DCC: variants seen among roughly 807,000 people sequenced by gnomAD.
The protein encoded by DCC is DCC netrin 1 receptor.
In DCC, 58 loss-of-function variants were observed where a neutral mutation model predicts 172.5. The observed-to-expected ratio is 0.34, with a 90% confidence interval of 0.27 to 0.42. The LOEUF (loss-of-function observed/expected upper bound fraction) is 0.42. Among genes scored for constraint, DCC ranks in the 10% least tolerant of loss-of-function variants. DCC has a pLI of 1.00. For missense variants in DCC, 1,740 were observed against 1,791.0 expected (o/e 0.97, Z 0.51); for synonymous variants, 709 against 644.5 (o/e 1.10, Z -1.52).
chr18:52,998,171 G>C (rs1213106652), intron 5 of DCC, among the ~76,000 whole-genome samples: 2 of 152,072 alleles, frequency 1.3e-5, no homozygotes, highest in African/African-American at 2.4e-5. Context: ...TATGTGGCTA[G>C]TGGCTATCAT....
chr18:53,157,629 A>G (rs534919844), intron 8 of DCC, 117 bp downstream of exon 8: 2 of 1,017,526 alleles, frequency 2.0e-6, no homozygotes, highest in Admixed American at 2.0e-5. Flanking sequence ...TGAAATCTCT[A>G]CTATGTCCTT....
At chr18:53,232,962 T>C (rs2056146161) in intron 12 of DCC, among the ~76,000 whole-genome samples, 1 of 151,948 alleles carries the variant, frequency 6.6e-6, no homozygotes, top group Non-Finnish European at 1.5e-5. Flanking sequence ...GGTATTATTA[T>C]TCTTATTTTC....
At chr18:52,735,205 C>A (rs1248878924) in intron 1 of DCC, among the ~76,000 whole-genome samples, 1 of 152,114 alleles carries the variant, frequency 6.6e-6, no homozygotes, top group Non-Finnish European at 1.5e-5. Context: ...TCATGGAGAC[C>A]TTCCCCAGGA....
chr18:52,760,853 TCA>T (rs1012040363), intron 2 of DCC, among the ~76,000 whole-genome samples: 2 of 152,124 alleles, frequency 1.3e-5, no homozygotes, highest in Non-Finnish European at 2.9e-5. Flanking sequence ...ATGGAAAATC[TCA>T]GTGTATGGTA....
intron 1 of DCC, among the ~76,000 whole-genome samples, chr18:52,401,110 A>AAAT (rs930406660): frequency 6.6e-6 from 1 of 151,420 alleles, no homozygotes; most frequent in Admixed American, 6.6e-5. Context: ...TAATAATGAT[A>AAAT]AATAATAATA....
At chr18:53,163,160 C>T (rs1321469154) in intron 8 of DCC, among the ~76,000 whole-genome samples, 1 of 152,170 alleles carries the variant, frequency 6.6e-6, no homozygotes, top group African/African-American at 2.4e-5. Context: ...AGTTCTTATT[C>T]ATAATTTCAT....
chr18:52,624,131 C>T (rs866927054), intron 1 of DCC, among the ~76,000 whole-genome samples: 2 of 152,098 alleles, frequency 1.3e-5, no homozygotes, highest in African/African-American at 4.8e-5. Context: ...CAGATAAGAT[C>T]CCTCAATAAA....
intron 12 of DCC, among the ~76,000 whole-genome samples, chr18:53,218,609 T>C (rs1196780523): frequency 2.6e-5 from 4 of 152,172 alleles, no homozygotes; most frequent in Non-Finnish European, 1.5e-5. Flanking sequence ...GTTGTACTAA[T>C]GGCTTGACTT....
chr18:52,577,737 T>G (rs1385459130), intron 1 of DCC, among the ~76,000 whole-genome samples: 1 of 152,224 alleles, frequency 6.6e-6, no homozygotes, highest in Non-Finnish European at 1.5e-5. Context: ...CCTTAGGCTT[T>G]AGAGAATCTT....
chr18:52,614,452 A>AATATT (rs1043357289), intron 1 of DCC, among the ~76,000 whole-genome samples: 23 of 152,184 alleles, frequency 1.5e-4, no homozygotes, highest in African/African-American at 5.3e-4. Flanking sequence ...TGCACCTAAA[A>AATATT]ATATTAGGTT....
rs575757411 is a variant in DCC, at chr18:53,029,109, C to A, written c.986-34196C>A. On this transcript the variant is annotated intron_variant, in intron 5 of 28. Transcript: ENST00000442544. ...ACAAAGAAGTAAACTAAAAATTACC[C>A]AAATGTGGATTCATATGAGCCATAT... Among the ~76,000 whole-genome samples the A allele has an allele frequency of 1.9e-3, 287 of 150,058 alleles. 1 individual carries two copies. The highest frequency in any genetic ancestry group is 6.6e-3 in the African/African-American group (266 of 40,208).
chr18:52,908,015 C>A (rs1236219289), intron 3 of DCC, among the ~76,000 whole-genome samples: 1 of 152,102 alleles, frequency 6.6e-6, no homozygotes, highest in South Asian at 2.1e-4. Flanking sequence ...TCTCTTTTAG[C>A]CGAACTTGTA....
chr18:52,724,964 A>G (rs935990938), intron 1 of DCC, among the ~76,000 whole-genome samples: 2 of 152,200 alleles, frequency 1.3e-5, no homozygotes, highest in Non-Finnish European at 2.9e-5. Context: ...CTTGATGGCC[A>G]CATGAAATGT....
At chr18:53,309,525 A>G (rs2057239902) in intron 13 of DCC, among the ~76,000 whole-genome samples, 1 of 152,130 alleles carries the variant, frequency 6.6e-6, no homozygotes, top group Non-Finnish European at 1.5e-5. Flanking sequence ...TCCTTTTTAA[A>G]TTTTTCCTCT....
At chr18:53,348,074 A>C (rs2057745396) in intron 15 of DCC, among the ~76,000 whole-genome samples, 1 of 151,980 alleles carries the variant, frequency 6.6e-6, no homozygotes, top group Non-Finnish European at 1.5e-5. Context: ...CAGTCCCCCA[A>C]AGTCTTATTT....
chr18:53,533,563 A>C lies in DCC; in HGVS notation c.*2910A>C, dbSNP rs2046544727. The C allele has an allele frequency of 1.3e-5, 2 of 152,156 alleles. No homozygotes were observed. The highest frequency in any genetic ancestry group is 4.1e-4 in the South Asian group (2 of 4,826). The allele number at this position is 152,156 out of a possible 1,614,324, so 9.4% of individuals were successfully genotyped here. On this transcript the variant is annotated 3_prime_UTR_variant, in exon 29 of 29. Coordinates refer to ENST00000442544, the MANE Select transcript of DCC (RefSeq NM_005215.4). ...TCTGCAGAAATTTCTGCATTTGTGA[A>C]ACTTATAAAAATTTAGATAGTTCAA...
At chr18:52,661,587 G>A (rs886652144) in intron 1 of DCC, among the ~76,000 whole-genome samples, 1 of 152,214 alleles carries the variant, frequency 6.6e-6, no homozygotes, top group Non-Finnish European at 1.5e-5. Flanking sequence ...TGGAAAACTG[G>A]CCCAATAGGT....
chr18:52,716,022 G>C (rs2036375604), intron 1 of DCC, among the ~76,000 whole-genome samples: 1 of 152,008 alleles, frequency 6.6e-6, no homozygotes, highest in Non-Finnish European at 1.5e-5. Flanking sequence ...TCTGTAAAAA[G>C]AAGGAATCCT....
intron 9 of DCC, among the ~76,000 whole-genome samples, chr18:53,181,275 A>G (rs1050418241): frequency 6.6e-6 from 1 of 152,190 alleles, no homozygotes; most frequent in Non-Finnish European, 1.5e-5. Context: ...TCATGATTAC[A>G]TTGCATTTCT....
Sources: allele counts gnomAD v4.1 joint callset (sites outside exome capture counted in the v4.1 genomes callset), GRCh38; gene constraint gnomAD v4.1.1; transcripts MANE v1.5; gene names NCBI Gene and HGNC (gene_info 2026-07-23, HGNC 2026-07-21).